Variants in DMD observed in about 807,000 individuals in gnomAD.
The protein encoded by DMD is mutant dystrophin.
DMD carries 63 observed loss-of-function variants against 330.1 expected under a neutral mutation model. That is an observed-to-expected ratio of 0.19 (90% CI 0.16 to 0.24). The LOEUF (loss-of-function observed/expected upper bound fraction) is 0.24, where lower values mean the gene tolerates loss of function less well. DMD is among the 10% of genes least tolerant of loss of function. The pLI is 1.00. For synonymous variants in DMD, 1,223 were observed against 959.8 expected (o/e 1.27, Z -5.07); for missense variants, 3,344 against 2,684.1 (o/e 1.25, Z -5.43).
chrX:31,392,435 G>A (rs1016757724), intron 60 of DMD, among the ~76,000 whole-genome samples: 2 of 112,107 alleles, frequency 1.8e-5, no homozygotes, highest in African/African-American at 6.5e-5. Context: ...AGAAGTTAAA[G>A]CCTCTATACC....
chrX:32,370,087 G>A (rs5971628), intron 34 of DMD, among the ~76,000 whole-genome samples: 23,135 of 110,356 alleles, frequency 0.21, 2,901 homozygotes, highest in African/African-American at 0.47. Context: ...TTTTAGCTAC[G>A]TAACATATTC....
intron 1 of DMD, among the ~76,000 whole-genome samples, chrX:33,314,488 C>T (rs949555084): frequency 1.9e-5 from 2 of 107,746 alleles, no homozygotes; most frequent in African/African-American, 3.4e-5. Context: ...AAACTCCTGA[C>T]CTCATGTGAT....
At chrX:33,180,950 GAAGT>G (rs777120609) in intron 1 of DMD, among the ~76,000 whole-genome samples, 1 of 107,749 alleles carries the variant, frequency 9.3e-6, no homozygotes, top group East Asian at 2.9e-4. Flanking sequence ...AACTGTATCT[GAAGT>G]AAGTAATACC....
In DMD at chrX:31,951,122, C is replaced by CATATATAT. The variant is rs767693982; in HGVS notation, c.6614+17209_6614+17216dup. 2.5e-3 allele frequency among the ~76,000 whole-genome samples: 161 copies of CATATATAT among 65,331 alleles called. 2 individuals carry two copies. The highest frequency in any genetic ancestry group is 0.011 in the African/African-American group (155 of 14,455). 56.7% of individuals were successfully genotyped at this position (65,331 alleles called of 115,157 possible). On this transcript the variant is annotated intron_variant, in intron 45 of 78. Transcript: ENST00000357033. ...TTTAAACACACATACTATATATATA[C>CATATATAT]ATATATATATATATATATGTGTATA...
chrX:32,494,170 G>C (rs1199827097), intron 19 of DMD, among the ~76,000 whole-genome samples: 1 of 111,666 alleles, frequency 9.0e-6, no homozygotes, highest in Non-Finnish European at 1.9e-5. Context: ...GTTTTAATGA[G>C]TCATTGTTGA....
At chrX:32,316,671 G>C (rs778771552) in intron 41 of DMD, among the ~76,000 whole-genome samples, 4 of 111,093 alleles carry the variant, frequency 3.6e-5, no homozygotes, top group Admixed American at 2.9e-4. Context: ...GTGTTATTAA[G>C]TTTGAATATT....
chrX:31,782,203 C>G (rs2149276034), intron 50 of DMD, among the ~76,000 whole-genome samples: 1 of 111,553 alleles, frequency 9.0e-6, no homozygotes, highest in Non-Finnish European at 1.9e-5. Flanking sequence ...TGCATCTACA[C>G]TTTTGTCAAG....
chrX:31,955,712 T>C (rs772013142), intron 45 of DMD, among the ~76,000 whole-genome samples: 1 of 112,281 alleles, frequency 8.9e-6, no homozygotes, highest in South Asian at 3.7e-4. Flanking sequence ...AAATTTATAG[T>C]TTGGGTACAT....
At chrX:32,414,957 G>A (rs1433491236) in intron 29 of DMD, among the ~76,000 whole-genome samples, 4 of 111,500 alleles carry the variant, frequency 3.6e-5, no homozygotes, top group African/African-American at 1.3e-4. Flanking sequence ...CAGTGTTCAG[G>A]GCTATAATCA....
chrX:31,205,076 C>T (rs991132850), intron 66 of DMD, among the ~76,000 whole-genome samples: 2 of 111,740 alleles, frequency 1.8e-5, no homozygotes, highest in Admixed American at 9.4e-5. Flanking sequence ...TGGCAGTACC[C>T]GGTGGATAGT....
intron 13 of DMD, among the ~76,000 whole-genome samples, chrX:32,577,762 C>T (rs1276216868): frequency 4.5e-5 from 5 of 112,349 alleles, no homozygotes; most frequent in Non-Finnish European, 7.5e-5. Context: ...CTATCTTACT[C>T]TTAGAAAATA....
chrX:33,272,207 T>C (rs935178792), intron 1 of DMD, among the ~76,000 whole-genome samples: 1 of 112,231 alleles, frequency 8.9e-6, no homozygotes. Flanking sequence ...TAAGATCTTT[T>C]CCCCCATTTT....
At chrX:33,010,204 G>A (rs1420726428) in intron 2 of DMD, among the ~76,000 whole-genome samples, 1 of 89,725 alleles carries the variant, frequency 1.1e-5, no homozygotes, top group Admixed American at 1.1e-4. Context: ...ATATGCATAT[G>A]TGTGTGTATA....
At chrX:33,195,969 G>C (rs1025266520) in intron 1 of DMD, among the ~76,000 whole-genome samples, 1 of 111,485 alleles carries the variant, frequency 9.0e-6, no homozygotes, top group Non-Finnish European at 1.9e-5. Context: ...GCAAGAGAGT[G>C]AGTCAGAAGC....
At chrX:32,693,864 C>A (rs762400423) in intron 9 of DMD, among the ~76,000 whole-genome samples, 13 of 111,472 alleles carry the variant, frequency 1.2e-4, no homozygotes, top group Non-Finnish European at 1.7e-4. Flanking sequence ...TGAAATTGTT[C>A]TTATTAAAGG....
chrX:32,376,914 A>G (rs1031783919), intron 34 of DMD, among the ~76,000 whole-genome samples: 14 of 111,426 alleles, frequency 1.3e-4, no homozygotes, highest in African/African-American at 4.2e-4. Flanking sequence ...ATATGCTTAT[A>G]CTTTTCTAAT....
chrX:32,329,680 T>C (rs2097669479), intron 41 of DMD, among the ~76,000 whole-genome samples: 1 of 112,256 alleles, frequency 8.9e-6, no homozygotes, highest in Non-Finnish European at 1.9e-5. Flanking sequence ...ACAGATGGAG[T>C]TATATGTTAT....
At chrX:32,145,353 C>A (rs2096773740) in intron 44 of DMD, among the ~76,000 whole-genome samples, 1 of 111,942 alleles carries the variant, frequency 8.9e-6, no homozygotes, top group Non-Finnish European at 1.9e-5. Context: ...GGGGCTTTCA[C>A]TATAATATGC....
chrX:31,204,357 C>T lies in DMD; in HGVS notation c.9650-239G>A, dbSNP rs186330700. On this transcript the variant is annotated intron_variant, in intron 66 of 78. Transcript: ENST00000357033. ...ACATAAACTGTGTCACTGCAAGAAGCGCAAGCTTACACGTACCCTCGACAC... is the reference window on the plus strand; with the variant it reads ...ACATAAACTGTGTCACTGCAAGAAGTGCAAGCTTACACGTACCCTCGACAC... Among the ~76,000 whole-genome samples, 41 of 112,742 alleles carry T rather than the reference C, an allele frequency of 3.6e-4. No individual in the cohort carries two copies. The East Asian group carries it at 0.01, about 29-fold the overall frequency.
Sources: gnomAD v4.1 joint callset for allele counts (sites outside exome capture counted in the v4.1 genomes callset) on GRCh38, gnomAD v4.1.1 for gene constraint, MANE v1.5 for transcripts, NCBI Gene and HGNC (gene_info 2026-07-23, HGNC 2026-07-21) for gene names.